PARVB: variants seen among roughly 807,000 people sequenced by gnomAD.
PARVB encodes the protein beta-parvin.
PARVB carries 46 observed loss-of-function variants against 47.0 expected under a neutral mutation model. The ratio of observed to expected loss-of-function variants is 0.98; its 90% CI spans 0.77 to 1.25. PARVB has a LOEUF of 1.25. Among genes scored for constraint, PARVB ranks in the 50% most tolerant of loss-of-function variants. The probability of loss-of-function intolerance (pLI) is 0.00; values close to 1 mark genes in which losing one functional copy is unlikely to be tolerated. For missense variants in PARVB, 473 were observed against 471.6 expected, an observed-to-expected ratio of 1.00 and a Z score of -0.03; for synonymous variants, 196 against 196.3, an observed-to-expected ratio of 1.00 and a Z score of 0.01.
At position 44,099,801 on chromosome 22, in the gene PARVB, C is replaced by T. The variant is rs543932868; in HGVS notation, c.203-252C>T. Among the ~76,000 whole-genome samples the T allele has an allele frequency of 1.3e-5, 2 of 152,242 alleles. 1 individual carries two copies. The highest frequency in any genetic ancestry group is 4.1e-4 in the South Asian group (2 of 4,826). On this transcript the variant is annotated intron_variant, in intron 2 of 12. Coordinates refer to ENST00000338758, the MANE Select transcript of PARVB (RefSeq NM_013327.5). ...TCCTGAAAAATGGAAATGGTTTGGA[C>T]CAGCTGCTGGCGGAGTCTGGGAGGA... is the stretch of plus-strand genomic sequence containing the variant.
At chr22:44,082,492 C>G (rs2147008062) in intron 1 of PARVB, among the ~76,000 whole-genome samples, 1 of 152,176 alleles carries the variant, frequency 6.6e-6, no homozygotes, top group East Asian at 1.9e-4. Flanking sequence ...GCACTCCAGC[C>G]TGGGCGACAG....
intron 3 of PARVB, among the ~76,000 whole-genome samples, chr22:44,118,244 AAACATGCTAT>A (rs1307833751): frequency 6.6e-6 from 1 of 152,242 alleles, no homozygotes; most frequent in African/African-American, 2.4e-5. Flanking sequence ...AGAAGGACGG[AAACATGCTAT>A]AACATGGATG....
At chr22:44,051,351 T>G (rs970689049) in intron 1 of PARVB, among the ~76,000 whole-genome samples, 1 of 152,172 alleles carries the variant, frequency 6.6e-6, no homozygotes, top group African/African-American at 2.4e-5. Flanking sequence ...AGGTGGGGAC[T>G]GTTCGGCTGG....
At chr22:44,012,588 G>A (rs999132108) in intron 2 of PARVB, among the ~76,000 whole-genome samples, 1 of 152,138 alleles carries the variant, frequency 6.6e-6, no homozygotes, top group Admixed American at 6.5e-5. Flanking sequence ...CTACCCCAAA[G>A]TGCAGTAAGA....
At chr22:44,026,986 G>A (rs2050741511) in intron 1 of PARVB, among the ~76,000 whole-genome samples, 1 of 151,952 alleles carries the variant, frequency 6.6e-6, no homozygotes, top group Non-Finnish European at 1.5e-5. Context: ...GGGCCCTGGG[G>A]TTTGGAGGAA....
Position 44,120,865 on chromosome 22 carries a change from A to G in PARVB, c.376+1725A>G, listed in dbSNP as rs184775013. 1.1e-3 allele frequency among the ~76,000 whole-genome samples: 170 copies of G among 151,250 alleles called. 1 individual carries two copies. The highest frequency in any genetic ancestry group is 4.0e-3 in the African/African-American group (164 of 41,196). ...TGTTTTTTTTTTTTCTTTTTTTGAA[A>G]TGGAGTCTTGCTCTGTCACCCAGGC... On this transcript the variant is annotated intron_variant, in intron 4 of 12. Coordinates refer to ENST00000338758, the MANE Select transcript of PARVB (RefSeq NM_013327.5).
intron 2 of PARVB, among the ~76,000 whole-genome samples, chr22:44,018,989 C>T (rs999025379): frequency 6.6e-6 from 1 of 152,236 alleles, no homozygotes. Context: ...ATGATCTTGG[C>T]TCACTGCAAC....
chr22:44,159,730 G>A (rs139073), intron 11 of PARVB, among the ~76,000 whole-genome samples: 56,189 of 151,938 alleles, frequency 0.37, 10,608 homozygotes, highest in South Asian at 0.5. Flanking sequence ...TGTAGTCTTC[G>A]TGAATCCTGG....
intron 11 of PARVB, among the ~76,000 whole-genome samples, chr22:44,160,721 G>T (rs2054032667): frequency 6.6e-6 from 1 of 152,222 alleles, no homozygotes; most frequent in Admixed American, 6.5e-5. Context: ...TGAGAAGAAA[G>T]CAGAAGGAAA....
intron 1 of PARVB, among the ~76,000 whole-genome samples, chr22:44,088,926 G>A (rs966976046): frequency 2.0e-5 from 3 of 152,182 alleles, no homozygotes; most frequent in Non-Finnish European, 2.9e-5. Context: ...CCGAGGTTGT[G>A]TGCCCTCTGG....
intron 1 of PARVB, among the ~76,000 whole-genome samples, chr22:44,087,634 A>G (rs2052055799): frequency 6.6e-6 from 1 of 152,150 alleles, no homozygotes; most frequent in South Asian, 2.1e-4. Flanking sequence ...GGGGAAAAAA[A>G]GCTGCCTGAA....
chr22:44,001,493 C>G (rs1264239365), intron 2 of PARVB, among the ~76,000 whole-genome samples: 1 of 152,176 alleles, frequency 6.6e-6, no homozygotes, highest in African/African-American at 2.4e-5. Context: ...AAATCTAAAA[C>G]AAAGCTTATT....
chr22:44,041,913 A>G (rs1183082641), intron 1 of PARVB, among the ~76,000 whole-genome samples: 1 of 151,634 alleles, frequency 6.6e-6, no homozygotes, highest in Non-Finnish European at 1.5e-5. Flanking sequence ...AAATACATAC[A>G]TACATTCATA....
intron 1 of PARVB, among the ~76,000 whole-genome samples, chr22:44,087,846 G>GTTTTTTTTTTTTTTT (rs57893038): frequency 2.5e-5 from 3 of 121,290 alleles, no homozygotes; most frequent in African/African-American, 3.3e-5. Flanking sequence ...GAACGATGGT[G>GTTTTTTTTTTTTTTT]TTTTTTTTTT....
At chr22:44,026,525 G>A in intron 1 of PARVB, 1 of 169,496 alleles carries the variant, frequency 5.9e-6, no homozygotes, top group Non-Finnish European at 1.2e-5. Flanking sequence ...CTGGGAAGTG[G>A]AAGAGTCAGG....
chr22:44,034,185 A>G (rs1198670028), intron 1 of PARVB, among the ~76,000 whole-genome samples: 1 of 150,118 alleles, frequency 6.7e-6, no homozygotes, highest in Non-Finnish European at 1.5e-5. Flanking sequence ...TTTTACTGCA[A>G]CAGCAATTAT....
intron 1 of PARVB, among the ~76,000 whole-genome samples, chr22:44,070,731 G>A (rs1354282895): frequency 6.6e-6 from 1 of 152,220 alleles, no homozygotes; most frequent in East Asian, 1.9e-4. Flanking sequence ...TGCGCACAGA[G>A]TGCTTTTCCT....
intron 2 of PARVB, among the ~76,000 whole-genome samples, chr22:44,012,857 A>G (rs542033144): frequency 1.3e-5 from 2 of 151,874 alleles, no homozygotes; most frequent in South Asian, 2.1e-4. Flanking sequence ...TCTATTAAAG[A>G]GAAGTGAAAG....
intron 11 of PARVB, 94 bp downstream of exon 11, chr22:44,158,177 G>T (rs974522980): frequency 6.2e-6 from 5 of 806,716 alleles, no homozygotes; most frequent in African/African-American, 1.7e-5. Flanking sequence ...CTGCAGCCTG[G>T]CTGCATTCTT....
Sources: gnomAD v4.1 joint callset for allele counts (sites outside exome capture counted in the v4.1 genomes callset) on GRCh38, gnomAD v4.1.1 for gene constraint, MANE v1.5 for transcripts, NCBI Gene and HGNC (gene_info 2026-07-23, HGNC 2026-07-21) for gene names.